The following PRDM4 variants were observed in gnomAD, a reference collection of about 807,000 sequenced individuals.
The protein encoded by PRDM4 is PR domain zinc finger protein 4.
A neutral mutation model predicts 62.3 loss-of-function variants in PRDM4; 38 were observed. The ratio of observed to expected loss-of-function variants is 0.61; its 90% CI spans 0.47 to 0.80. The LOEUF is 0.80. PRDM4 is among the 30% of genes least tolerant of loss of function. The pLI, the probability that PRDM4 is intolerant of heterozygous loss-of-function variation, is 0.00. For synonymous variants in PRDM4, 339 were observed against 348.2 expected (o/e 0.97, Z 0.30); for missense variants, 858 against 997.1 (o/e 0.86, Z 1.88).
intron 3 of PRDM4, 109 bp from the exon 4 acceptor site, chr12:107,754,218 C>T: frequency 1.3e-6 from 1 of 786,380 alleles, no homozygotes. Flanking sequence ...GGGCAAAAAT[C>T]TCACCTACTA....
At chr12:107,740,786 A>C (rs1890492636) in intron 10 of PRDM4, among the ~76,000 whole-genome samples, 160 bp downstream of exon 10, 1 of 152,188 alleles carries the variant, frequency 6.6e-6, no homozygotes, top group Non-Finnish European at 1.5e-5. Flanking sequence ...ACATCCTAAT[A>C]ATTGGAAGTG....
At position 107,751,989 on chromosome 12, in the gene PRDM4, A is replaced by G. The variant is rs775934114; in HGVS notation, c.552T>C (p.His184=). The part of the protein sequence containing the change: ...GAQSLHPSDG[H]EVALDTAITM... ...TGATTGCTGTGTCCAAGGCCACCTCATGGCCATCACTGGGATGAAGACTTT... is the reference window on the plus strand; with the variant it reads ...TGATTGCTGTGTCCAAGGCCACCTCGTGGCCATCACTGGGATGAAGACTTT... Residue 184 remains histidine (H), a synonymous_variant, in exon 5 of 12, where the codon CAT becomes CAC. Transcript: ENST00000228437. 11 of 1,614,056 alleles carry G rather than the reference A, an allele frequency of 6.8e-6. No individual in the cohort carries two copies. The East Asian group carries it at 8.9e-5, about 13-fold the overall frequency.
chr12:107,757,759 A>G (rs535309848), intron 2 of PRDM4, among the ~76,000 whole-genome samples: 1 of 152,280 alleles, frequency 6.6e-6, no homozygotes, highest in South Asian at 2.1e-4. Context: ...TTAACTACAG[A>G]CTATTTTTGG....
chr12:107,755,910 C>T (rs910972246), intron 3 of PRDM4, among the ~76,000 whole-genome samples: 15 of 152,120 alleles, frequency 9.9e-5, no homozygotes, highest in African/African-American at 3.6e-4. Flanking sequence ...TATGGTGAAA[C>T]CCCGTTTCTA....
intron 4 of PRDM4, 136 bp downstream of exon 4, chr12:107,753,786 CAA>C (rs1161542302): frequency 2.5e-6 from 2 of 790,728 alleles, no homozygotes; most frequent in African/African-American, 3.6e-5. Context: ...TAAATATAAA[CAA>C]AGATACTTTT....
At position 107,743,252 on chromosome 12, in the gene PRDM4, T is replaced by C. The variant is rs1890579009; in HGVS notation, c.1426A>G (p.Ile476Val). 6.2e-7 allele frequency: 1 copy of C among 1,613,502 alleles called. No homozygotes were observed. Among genetic ancestry groups the C allele is most frequent in the Non-Finnish European group, 8.5e-7 (1 of 1,179,446 alleles). ...IYHNGVLEFC[I>V]ITTDENECNW... ...CATTCATTTTCATCAGTTGTAATGATGCAGAATTCTAGGACACCATTGTGG... is the reference window on the plus strand; with the variant it reads ...CATTCATTTTCATCAGTTGTAATGACGCAGAATTCTAGGACACCATTGTGG... The change falls in exon 8 of 12, where the codon ATC becomes GTC. Residue 476 changes from isoleucine (I) to valine (V), a missense_variant. This residue lies in a region of PRDM4 where 355 missense variants were observed against 432.6 expected (regional missense o/e 0.82). Coordinates refer to ENST00000228437, the MANE Select transcript of PRDM4 (RefSeq NM_012406.4).
At chr12:107,735,629 C>G (rs1890301855) in intron 11 of PRDM4, among the ~76,000 whole-genome samples, 1 of 151,888 alleles carries the variant, frequency 6.6e-6, no homozygotes, top group Non-Finnish European at 1.5e-5. Context: ...TTCTACAATG[C>G]ACAGGGCAGC....
At chr12:107,744,687 A>G (rs964179450) in intron 6 of PRDM4, 26 bp from the exon 7 acceptor site, 1 of 1,610,982 alleles carries the variant, frequency 6.2e-7, no homozygotes, top group Non-Finnish European at 8.5e-7. Flanking sequence ...CACCAACTAC[A>G]CAATCAATGA....
chr12:107,757,924 G>A (rs1408844319), intron 2 of PRDM4, among the ~76,000 whole-genome samples: 1 of 152,096 alleles, frequency 6.6e-6, no homozygotes, highest in African/African-American at 2.4e-5. Context: ...TTTAGAGACT[G>A]CCATACTATA....
At chr12:107,753,319 T>G (rs1890958978) in intron 4 of PRDM4, among the ~76,000 whole-genome samples, 1 of 148,352 alleles carries the variant, frequency 6.7e-6, no homozygotes, top group Non-Finnish European at 1.5e-5. Flanking sequence ...ATCACTGGAG[T>G]CCAGGAGTTC....
intron 6 of PRDM4, among the ~76,000 whole-genome samples, chr12:107,745,510 C>G (rs1395580229): frequency 6.6e-6 from 1 of 151,952 alleles, no homozygotes; most frequent in East Asian, 1.9e-4. Context: ...CAAGGCTGCA[C>G]TCGAGTTACT....
chr12:107,754,179 G>A, intron 3 of PRDM4, 70 bp from the exon 4 acceptor site: 1 of 1,258,298 alleles, frequency 7.9e-7, no homozygotes, highest in Non-Finnish European at 1.1e-6. Context: ...ACAACCACTG[G>A]CTAAACTCTT....
Position 107,747,520 on chromosome 12 carries a change from T to C in PRDM4, c.1127-1096A>G, listed in dbSNP as rs189279146. Among the ~76,000 whole-genome samples, 4 of 152,298 alleles carry C rather than the reference T, an allele frequency of 2.6e-5. No individual in the cohort carries two copies. The East Asian group carries it at 7.7e-4, about 29-fold the overall frequency. On this transcript the variant is annotated intron_variant, in intron 5 of 11. Transcript: ENST00000228437. ...TGTATTCTTGCAGACATTATTTGCT[T>C]AAAATTCTTAATTTCTTATTTTTCA...
rs142825036 is a variant in PRDM4 at position 107,740,168 on chromosome 12, A to G, written c.1925-617T>C. On this transcript the variant is annotated intron_variant, in intron 10 of 11. Coordinates refer to ENST00000228437, the MANE Select transcript of PRDM4 (RefSeq NM_012406.4). ...TGACCCCAACAAGAAAGCTAAAGCC[A>G]TCAGTTATTTTGTAGTATTTATTAA... Among the ~76,000 whole-genome samples, 538 of 152,294 alleles carry G rather than the reference A, an allele frequency of 3.5e-3. 5 individuals are homozygous for G. The highest frequency in any genetic ancestry group is 0.012 in the African/African-American group (510 of 41,574).
intron 2 of PRDM4, 147 bp from the exon 3 acceptor site, chr12:107,757,112 T>C (rs1335389929): frequency 6.8e-6 from 5 of 731,622 alleles, no homozygotes; most frequent in African/African-American, 3.5e-5. Flanking sequence ...TTCTCTTAGA[T>C]AGCTAGTGCC....
chr12:107,755,140 A>T (rs7137753), intron 3 of PRDM4, among the ~76,000 whole-genome samples: 44,496 of 152,040 alleles, frequency 0.29, 8,214 homozygotes, highest in Middle Eastern at 0.43. Context: ...GTTGGAGCGT[A>T]GTAGCATGAC....
chr12:107,746,780 C>T (rs2136320961), intron 5 of PRDM4, among the ~76,000 whole-genome samples: 1 of 152,266 alleles, frequency 6.6e-6, no homozygotes, highest in African/African-American at 2.4e-5. Context: ...CCACCATGCC[C>T]AGCCCCAGGT....
chr12:107,754,128 T>A lies in PRDM4; in HGVS notation c.146-19A>T, dbSNP rs775515955. The A allele has an allele frequency of 6.4e-7, 1 of 1,550,392 alleles. No homozygotes were observed. The highest frequency in any genetic ancestry group is 1.2e-5 in the South Asian group (1 of 84,526). On this transcript the variant is annotated intron_variant, in intron 3 of 11. Coordinates refer to ENST00000228437, the MANE Select transcript of PRDM4 (RefSeq NM_012406.4). Reference sequence around the variant, plus strand: ...GGGAGGCCTACAAAACAAAATTTTTTTTCTCAGTTAAAAGAAAATAGGTAA... The same window carrying A: ...GGGAGGCCTACAAAACAAAATTTTTATTCTCAGTTAAAAGAAAATAGGTAA...
rs1055391620 is a variant in PRDM4, at chr12:107,760,736, T to C, written c.-221A>G. The C allele has an allele frequency of 7.1e-6, 4 of 564,456 alleles. No homozygotes were observed. Among genetic ancestry groups the C allele is most frequent in the African/African-American group, 3.9e-5 (2 of 51,764 alleles). 35.0% of individuals were successfully genotyped at this position (564,456 alleles called of 1,614,324 possible). A position where few individuals can be genotyped will look rare whatever the true frequency, so the allele number is the denominator to read the frequency against. On this transcript the variant is annotated 5_prime_UTR_variant, in exon 2 of 12. Transcript: ENST00000228437. The stretch of plus-strand genomic sequence containing the variant: ...GGCATCTCGGGGAACACCTGGGGCC[T>C]TCCGTCCAGAAGCTTCGGGAAGGGG...
Sources: allele counts gnomAD v4.1 joint callset (sites outside exome capture counted in the v4.1 genomes callset), GRCh38; gene constraint gnomAD v4.1.1; regional missense constraint gnomAD v4.1.1; transcripts MANE v1.5; gene names NCBI Gene and HGNC (gene_info 2026-07-23, HGNC 2026-07-21).